The following TBC1D22A variants were observed in gnomAD, a reference collection of about 807,000 sequenced individuals.
TBC1D22A encodes putative GTPase activator.
In TBC1D22A, 38 loss-of-function variants were observed where a neutral mutation model predicts 60.2. The ratio of observed to expected loss-of-function variants is 0.63; its 90% CI spans 0.49 to 0.83. TBC1D22A has a LOEUF of 0.83. TBC1D22A is among the 40% of genes least tolerant of loss of function. TBC1D22A has a pLI of 0.00. For missense variants in TBC1D22A, 628 were observed against 701.0 expected, an observed-to-expected ratio of 0.90 and a Z score of 1.18; for synonymous variants, 302 against 281.7, an observed-to-expected ratio of 1.07 and a Z score of -0.72.
chr22:47,042,501 C>T (rs560208137), intron 11 of TBC1D22A, among the ~76,000 whole-genome samples: 1 of 152,338 alleles, frequency 6.6e-6, no homozygotes, highest in South Asian at 2.1e-4. Context: ...GCATCACAGC[C>T]TTCTGATTTC....
At chr22:47,068,965 A>G (rs6009119) in intron 11 of TBC1D22A, among the ~76,000 whole-genome samples, 69,110 of 152,036 alleles carry the variant, frequency 0.45, 16,186 homozygotes, top group East Asian at 0.59. Context: ...TAGACATATT[A>G]TTTGTGACTC....
chr22:47,062,733 G>T (rs949573186), intron 11 of TBC1D22A, among the ~76,000 whole-genome samples: 1 of 152,276 alleles, frequency 6.6e-6, no homozygotes, highest in South Asian at 2.1e-4. Context: ...CACAAACTGC[G>T]TATCTGTGAG....
chr22:47,142,798 A>C (rs1435225641), intron 12 of TBC1D22A, among the ~76,000 whole-genome samples: 1 of 47,004 alleles, frequency 2.1e-5, no homozygotes, highest in Non-Finnish European at 3.8e-5. Flanking sequence ...CTATCCACCC[A>C]CCCACCCACT....
At chr22:46,968,639 G>A (rs532746132) in intron 8 of TBC1D22A, among the ~76,000 whole-genome samples, 161 of 151,636 alleles carry the variant, frequency 1.1e-3, no homozygotes, top group Non-Finnish European at 1.6e-3. Flanking sequence ...GTGGGCAGGC[G>A]TCCTCACTGC....
intron 8 of TBC1D22A, among the ~76,000 whole-genome samples, chr22:46,937,270 C>T (rs776121659): frequency 3.9e-5 from 6 of 152,216 alleles, no homozygotes; most frequent in Non-Finnish European, 5.9e-5. Context: ...ATGGACCCAC[C>T]GCATCTGTGG....
intron 8 of TBC1D22A, among the ~76,000 whole-genome samples, chr22:46,968,026 T>C (rs1163520929): frequency 6.6e-6 from 1 of 152,116 alleles, no homozygotes; most frequent in East Asian, 1.9e-4. Context: ...TGGGGGGCCG[T>C]GAGGGAAATG....
chr22:46,899,698 T>C (rs1237486086), intron 7 of TBC1D22A, among the ~76,000 whole-genome samples: 3 of 152,114 alleles, frequency 2.0e-5, no homozygotes, highest in Non-Finnish European at 4.4e-5. Flanking sequence ...TTTATCACAT[T>C]TGCATTCCAC....
At chr22:47,007,911 G>A (rs1323047582) in intron 10 of TBC1D22A, among the ~76,000 whole-genome samples, 1 of 152,230 alleles carries the variant, frequency 6.6e-6, no homozygotes, top group African/African-American at 2.4e-5. Flanking sequence ...CAGCTTGGAA[G>A]TGTGGGGTTT....
At chr22:46,992,234 GCT>G (rs1399784823) in intron 9 of TBC1D22A, among the ~76,000 whole-genome samples, 1 of 152,270 alleles carries the variant, frequency 6.6e-6, no homozygotes, top group Non-Finnish European at 1.5e-5. Context: ...AGCGGTATAA[GCT>G]TCCAAGCCCC....
chr22:47,122,448 C>T (rs1321705989), intron 12 of TBC1D22A, among the ~76,000 whole-genome samples: 1 of 152,144 alleles, frequency 6.6e-6, no homozygotes, highest in Non-Finnish European at 1.5e-5. Context: ...TCTGTGTGCA[C>T]AGTGGACCAA....
intron 8 of TBC1D22A, among the ~76,000 whole-genome samples, 168 bp downstream of exon 8, chr22:46,912,356 T>C (rs2069994965): frequency 6.6e-6 from 1 of 152,252 alleles, no homozygotes; most frequent in African/African-American, 2.4e-5. Context: ...AAAATGTCTT[T>C]AATCTACATG....
intron 8 of TBC1D22A, among the ~76,000 whole-genome samples, chr22:46,971,366 T>A (rs1286667191): frequency 1.3e-5 from 2 of 152,222 alleles, no homozygotes; most frequent in African/African-American, 4.8e-5. Flanking sequence ...CTGTTTACTC[T>A]TATTATCTCT....
chr22:46,863,775 T>A (rs940658909), intron 4 of TBC1D22A, among the ~76,000 whole-genome samples: 2 of 152,198 alleles, frequency 1.3e-5, no homozygotes, highest in African/African-American at 4.8e-5. Context: ...AAATGTCCCC[T>A]TCCCTCAGCC....
chr22:46,857,028 T>C (rs2087605093), intron 4 of TBC1D22A, among the ~76,000 whole-genome samples: 1 of 152,248 alleles, frequency 6.6e-6, no homozygotes, highest in Admixed American at 6.5e-5. Context: ...GACTGGAGTG[T>C]TCCCTGGAAT....
At chr22:46,977,121 T>G (rs543379633) in intron 9 of TBC1D22A, among the ~76,000 whole-genome samples, 13 of 152,338 alleles carry the variant, frequency 8.5e-5, no homozygotes, top group African/African-American at 2.6e-4. Context: ...TGGCTTGTAT[T>G]AAAACCCACG....
At chr22:46,904,931 T>C (rs368776676) in intron 7 of TBC1D22A, among the ~76,000 whole-genome samples, 7 of 151,692 alleles carry the variant, frequency 4.6e-5, no homozygotes, top group African/African-American at 1.5e-4. Flanking sequence ...CCTGCCACCA[T>C]GCCCGGCTAA....
intron 12 of TBC1D22A, among the ~76,000 whole-genome samples, chr22:47,165,713 A>T (rs1284044936): frequency 6.6e-6 from 1 of 152,000 alleles, no homozygotes; most frequent in Non-Finnish European, 1.5e-5. Flanking sequence ...GGGTCAAGAG[A>T]AATGCCCGAG....
intron 8 of TBC1D22A, among the ~76,000 whole-genome samples, chr22:46,962,624 G>A (rs1354818512): frequency 2.6e-5 from 4 of 152,204 alleles, no homozygotes; most frequent in Non-Finnish European, 5.9e-5. Flanking sequence ...TAGGGGTGCG[G>A]CTGTGTAGAC....
At chr22:47,098,016 G>T (rs947051887) in intron 11 of TBC1D22A, among the ~76,000 whole-genome samples, 1 of 151,946 alleles carries the variant, frequency 6.6e-6, no homozygotes, top group East Asian at 1.9e-4. Context: ...CAGCTCTCAT[G>T]GCATGCTGGC....
Sources: allele counts gnomAD v4.1 joint callset (sites outside exome capture counted in the v4.1 genomes callset), GRCh38; gene constraint gnomAD v4.1.1; transcripts MANE v1.5; gene names NCBI Gene and HGNC (gene_info 2026-07-23, HGNC 2026-07-21).